Variants in ELL observed in about 807,000 individuals in gnomAD.
ELL encodes the protein elongation factor for RNA polymerase II, also known as RNA polymerase II elongation factor ELL.
Under a neutral mutation model 64.0 loss-of-function variants are expected in ELL, and 18 were observed. That is an observed-to-expected ratio of 0.28 (90% confidence interval 0.19 to 0.42). The LOEUF (loss-of-function observed/expected upper bound fraction) is 0.42, where lower values mean the gene tolerates loss of function less well. Among genes scored for constraint, ELL ranks in the 10% least tolerant of loss-of-function variants. The pLI is 1.00. For synonymous variants in ELL, 399 were observed against 376.2 expected (o/e 1.06, Z -0.70); for missense variants, 797 against 870.4 (o/e 0.92, Z 1.06).
chr19:18,482,306 TCC>T (rs1461177473), intron 1 of ELL, among the ~76,000 whole-genome samples: 9 of 137,016 alleles, frequency 6.6e-5, no homozygotes, highest in South Asian at 2.2e-4. Flanking sequence ...GTCTTTTCAT[TCC>T]TTTTTTTTTT....
chr19:18,478,465 T>C (rs1450180992), intron 1 of ELL, among the ~76,000 whole-genome samples: 2 of 152,208 alleles, frequency 1.3e-5, no homozygotes, highest in African/African-American at 4.8e-5. Flanking sequence ...GTAGACCCTC[T>C]GAGGGGTCAT....
intron 1 of ELL, among the ~76,000 whole-genome samples, chr19:18,506,921 C>T (rs1324751255): frequency 6.6e-6 from 1 of 152,172 alleles, no homozygotes; most frequent in Non-Finnish European, 1.5e-5. Flanking sequence ...AACACGGCTC[C>T]ACTTCCTATC....
At chr19:18,485,565 C>T (rs1450923403) in intron 1 of ELL, among the ~76,000 whole-genome samples, 1 of 152,178 alleles carries the variant, frequency 6.6e-6, no homozygotes, top group Non-Finnish European at 1.5e-5. Context: ...CCAGGTCTGG[C>T]CCCCAACTCT....
At chr19:18,446,628 T>C in intron 9 of ELL, 120 bp downstream of exon 9, 9 of 1,500,232 alleles carry the variant, frequency 6.0e-6, no homozygotes, top group Non-Finnish European at 8.2e-6. Context: ...GCTGCTATGT[T>C]TGGAATTCAC....
At chr19:18,504,125 T>C (rs7251640) in intron 1 of ELL, among the ~76,000 whole-genome samples, 43,253 of 152,170 alleles carry the variant, frequency 0.28, 7,447 homozygotes, top group African/African-American at 0.49. Flanking sequence ...TGCTGGCACC[T>C]CTGCTAAGCA....
chr19:18,458,357 G>C (rs1442654476), intron 5 of ELL, 28 bp from the exon 6 acceptor site: 1 of 1,600,546 alleles, frequency 6.2e-7, no homozygotes, highest in Non-Finnish European at 8.5e-7. Flanking sequence ...CCATCACTTT[G>C]TGGGAATCCT....
rs143981208 is a variant in ELL at position 18,507,997 on chromosome 19, C to T, written c.135+13924G>A. Reference sequence around the variant, plus strand: ...CCCTTCCCATCCAGGCTGCACATGACTGTGTTTTGTTTCAAAGGTCACATA... The same window carrying T: ...CCCTTCCCATCCAGGCTGCACATGATTGTGTTTTGTTTCAAAGGTCACATA... On this transcript the variant is annotated intron_variant, in intron 1 of 11. Coordinates refer to ENST00000262809, the MANE Select transcript of ELL (RefSeq NM_006532.4). Among the ~76,000 whole-genome samples, 14 of 152,308 alleles carry T rather than the reference C, an allele frequency of 9.2e-5. No individual in the cohort carries two copies. In the East Asian group the frequency reaches 2.1e-3, roughly 23 times the overall value.
rs114293497 is a variant in ELL, at chr19:18,492,651, A to C, written c.136-19769T>G. 2.2e-3 allele frequency among the ~76,000 whole-genome samples: 342 copies of C among 152,294 alleles called. 1 individual carries two copies. The highest frequency in any genetic ancestry group is 8.0e-3 in the African/African-American group (331 of 41,558). Reference sequence around the variant, plus strand: ...CGACTGATAACTCTCCTGACACACAAGTGTGCCCTCTCCTCCTCTCTGCCA... The same window carrying C: ...CGACTGATAACTCTCCTGACACACACGTGTGCCCTCTCCTCCTCTCTGCCA... On this transcript the variant is annotated intron_variant, in intron 1 of 11. Transcript: ENST00000262809.
intron 8 of ELL, among the ~76,000 whole-genome samples, chr19:18,448,087 A>AT (rs74412361): frequency 0.012 from 1,694 of 141,664 alleles, 19 homozygotes; most frequent in African/African-American, 0.026. Flanking sequence ...CACCTGGCGA[A>AT]TTTTTTTTTT....
At chr19:18,462,367 G>GTGTGTGTGTGTGTGT (rs1555732683) in intron 4 of ELL, among the ~76,000 whole-genome samples, 1 of 79,326 alleles carries the variant, frequency 1.3e-5, no homozygotes. Flanking sequence ...GTGTGTGTTT[G>GTGTGTGTGTGTGTGT]GGCGGGGGGC....
At position 18,502,416 on chromosome 19, in the gene ELL, G is replaced by A. The variant is rs1181160959; in HGVS notation, c.135+19505C>T. 2.6e-5 allele frequency among the ~76,000 whole-genome samples: 4 copies of A among 152,194 alleles called. No individual in the cohort carries two copies. In the East Asian group the frequency reaches 7.7e-4, roughly 29 times the overall value. On this transcript the variant is annotated intron_variant, in intron 1 of 11. Coordinates refer to ENST00000262809, the MANE Select transcript of ELL (RefSeq NM_006532.4). ...GGTGAGGGCCAGGCCTGTGGTGACT[G>A]TGCCTCGCAGTGGGCAGGGCTGCCA...
At chr19:18,444,891 T>C (rs769622178) in intron 11 of ELL, 23 bp from the exon 12 acceptor site, 2 of 1,603,020 alleles carry the variant, frequency 1.2e-6, no homozygotes, top group South Asian at 2.2e-5. Flanking sequence ...ACAGTCATGC[T>C]CAGGACAGAG....
chr19:18,500,805 G>T (rs1020900244), intron 1 of ELL, among the ~76,000 whole-genome samples: 3 of 152,158 alleles, frequency 2.0e-5, no homozygotes, highest in African/African-American at 7.2e-5. Flanking sequence ...CACTGCTTTA[G>T]CTTTTTAATA....
intron 1 of ELL, among the ~76,000 whole-genome samples, chr19:18,488,811 T>C (rs1281508472): frequency 6.6e-6 from 1 of 152,166 alleles, no homozygotes; most frequent in Non-Finnish European, 1.5e-5. Context: ...TGGCAGGGCT[T>C]GAGCTGAAAC....
At chr19:18,495,026 A>G (rs896269131) in intron 1 of ELL, among the ~76,000 whole-genome samples, 1 of 152,234 alleles carries the variant, frequency 6.6e-6, no homozygotes, top group Non-Finnish European at 1.5e-5. Context: ...GGTGTGGGCT[A>G]TAACATGTTA....
intron 1 of ELL, among the ~76,000 whole-genome samples, chr19:18,491,415 A>C (rs1416024081): frequency 1.3e-5 from 2 of 151,756 alleles, no homozygotes; most frequent in South Asian, 2.1e-4. Flanking sequence ...GCCAGGCCAA[A>C]ATCAGTAGAC....
At chr19:18,477,859 A>G (rs1162618895) in intron 1 of ELL, among the ~76,000 whole-genome samples, 1 of 152,190 alleles carries the variant, frequency 6.6e-6, no homozygotes, top group East Asian at 1.9e-4. Context: ...CTTTTTTCTT[A>G]TGATGTTTCT....
At chr19:18,484,058 C>T (rs1242589778) in intron 1 of ELL, among the ~76,000 whole-genome samples, 2 of 152,244 alleles carry the variant, frequency 1.3e-5, no homozygotes, top group African/African-American at 4.8e-5. Context: ...TGCACAAGTA[C>T]ACTCCATGGG....
At chr19:18,520,346 A>G (rs1026813193) in intron 1 of ELL, among the ~76,000 whole-genome samples, 1 of 152,142 alleles carries the variant, frequency 6.6e-6, no homozygotes, top group African/African-American at 2.4e-5. Flanking sequence ...CAGGGCCAGA[A>G]TTCTACCAGG....
Sources: allele counts gnomAD v4.1 joint callset (sites outside exome capture counted in the v4.1 genomes callset), GRCh38; gene constraint gnomAD v4.1.1; transcripts MANE v1.5; gene names NCBI Gene and HGNC (gene_info 2026-07-23, HGNC 2026-07-21).